The following PPFIBP2 variants were observed in gnomAD, a reference collection of about 807,000 sequenced individuals.
PPFIBP2 encodes the protein PPFIB scaffold protein 2, also known as liprin-beta-2.
Under a neutral mutation model 118.3 loss-of-function variants are expected in PPFIBP2, and 118 were observed. The observed-to-expected ratio is 1.00, with a 90% CI of 0.86 to 1.16. The LOEUF is 1.16. Among genes scored for constraint, PPFIBP2 ranks in the 50% most tolerant of loss-of-function variants. The pLI is 0.00. For missense variants in PPFIBP2, 1,195 were observed against 1,073.1 expected (o/e 1.11, Z -1.59); for synonymous variants, 414 against 397.4 (o/e 1.04, Z -0.50).
chr11:7,649,660 A>G lies in PPFIBP2; in HGVS notation c.2121+6A>G, dbSNP rs12293804. ...ACCGGCGGCCAGCTGATGAGGTGAGACCACAAATAGTATCTCTCCAGGTAG... is the reference window on the plus strand; with the variant it reads ...ACCGGCGGCCAGCTGATGAGGTGAGGCCACAAATAGTATCTCTCCAGGTAG... On this transcript the variant is annotated splice_donor_region_variant and intron_variant, in intron 21 of 23. Transcript: ENST00000299492. The G allele has an allele frequency of 1.9e-3, 3,113 of 1,614,196 alleles. 56 individuals carry two copies. In the African/African-American group the frequency reaches 0.038, roughly 20 times the overall value.
chr11:7,635,401 C>T, intron 13 of PPFIBP2, 151 bp from the exon 14 acceptor site: 2 of 739,622 alleles, frequency 2.7e-6, no homozygotes, highest in Non-Finnish European at 4.6e-6. Flanking sequence ...ATCTTTCCTG[C>T]CCTGGATGGT....
downstream of PPFIBP2, among the ~76,000 whole-genome samples, chr11:7,661,092 A>T (rs1273923880): frequency 4.0e-5 from 6 of 151,390 alleles, no homozygotes; most frequent in South Asian, 4.2e-4. Flanking sequence ...TCCTTTCAAA[A>T]AACCAGCTCC....
chr11:7,540,022 CG>C (rs1435883784), intron 1 of PPFIBP2, among the ~76,000 whole-genome samples: 3 of 151,976 alleles, frequency 2.0e-5, no homozygotes, highest in African/African-American at 7.2e-5. Flanking sequence ...AAGAGCTTGT[CG>C]GGGCACAGCT....
At position 7,565,889 on chromosome 11, in the gene PPFIBP2, C is replaced by T. The variant is rs986605624; in HGVS notation, c.279+122C>T. On this transcript the variant is annotated intron_variant, in intron 3 of 23. Transcript: ENST00000299492. The stretch of plus-strand genomic sequence containing the variant: ...TACCTTCCAGCCTTTTCTTCCATCC[C>T]ACTTTGGCCAACGCTGCAGGGTGGC... The T allele has an allele frequency of 3.5e-6, 4 of 1,129,242 alleles. No homozygotes were observed. The African/African-American group carries it at 6.3e-5, about 18-fold the overall frequency. The allele number at this position is 1,129,242 out of a possible 1,614,324, so 70.0% of individuals were successfully genotyped here.
intron 5 of PPFIBP2, 79 bp downstream of exon 5, chr11:7,597,752 G>A (rs779857197): frequency 8.6e-7 from 1 of 1,159,494 alleles, no homozygotes; most frequent in Non-Finnish European, 1.3e-6. Context: ...CCAGGCTACA[G>A]CCCTCGCTGT....
At chr11:7,620,580 G>A (rs1429615269) in intron 6 of PPFIBP2, among the ~76,000 whole-genome samples, 1 of 152,162 alleles carries the variant, frequency 6.6e-6, no homozygotes, top group Non-Finnish European at 1.5e-5. Context: ...GGAAGAAGCT[G>A]CCTCATTTCA....
intron 13 of PPFIBP2, among the ~76,000 whole-genome samples, chr11:7,635,163 C>G (rs1565098256): frequency 6.6e-6 from 1 of 152,072 alleles, no homozygotes; most frequent in South Asian, 2.1e-4. Context: ...ACCAAGGGAG[C>G]CTGCCCTGAT....
At chr11:7,551,333 GATGGT>G (rs940457487) in intron 2 of PPFIBP2, among the ~76,000 whole-genome samples, 8 of 152,314 alleles carry the variant, frequency 5.3e-5, no homozygotes, top group Admixed American at 5.2e-4. Context: ...AGACCTCTTT[GATGGT>G]TGTCAGGGAG....
At chr11:7,659,556 T>C (rs1452740360), downstream of PPFIBP2, among the ~76,000 whole-genome samples, 17 of 148,336 alleles carry the variant, frequency 1.1e-4, no homozygotes, top group East Asian at 2.3e-3. Flanking sequence ...TGTAGCCTTG[T>C]AGTATAGTTT....
intron 2 of PPFIBP2, among the ~76,000 whole-genome samples, chr11:7,555,628 A>AG (rs1241115242): frequency 6.6e-6 from 1 of 152,174 alleles, no homozygotes; most frequent in Non-Finnish European, 1.5e-5. Flanking sequence ...GAAGAGTTGG[A>AG]GTGGGGGTCT....
rs745938437 is a variant in PPFIBP2, at chr11:7,565,659, G to C, written c.171G>C (p.Leu57Phe). ...PFPVLHLIED[L>F]RLALEMLELP... ...CGGTGCTCCATCTCATCGAGGACTT[G>C]AGGCTGGCCTTGGAGATGCTGGAGC... is the stretch of plus-strand genomic sequence containing the variant. The change falls in exon 3 of 24, where the codon TTG becomes TTC. Residue 57 changes from leucine (L) to phenylalanine (F), a missense_variant. By Grantham distance (22) the Leu-to-Phe change is conservative (BLOSUM62 0). Coordinates refer to ENST00000299492, the MANE Select transcript of PPFIBP2 (RefSeq NM_003621.5). 4.3e-6 allele frequency: 7 copies of C among 1,614,186 alleles called. No individual in the cohort carries two copies. In the South Asian group the frequency reaches 4.4e-5, roughly 10 times the overall value.
At chr11:7,665,566 G>C in the PPFIBP2 span, 1 of 1,585,090 alleles carries the variant, frequency 6.3e-7, no homozygotes, top group East Asian at 2.2e-5. Context: ...AGGAGATGCA[G>C]GAGCAAGCTG....
chr11:7,633,587 A>G (rs2135789407), intron 12 of PPFIBP2, among the ~76,000 whole-genome samples: 1 of 152,324 alleles, frequency 6.6e-6, no homozygotes, highest in South Asian at 2.1e-4. Flanking sequence ...GTTGGGGCAG[A>G]TGACCACAAG....
chr11:7,581,738 C>T (rs1299752403), intron 3 of PPFIBP2, among the ~76,000 whole-genome samples: 1 of 152,140 alleles, frequency 6.6e-6, no homozygotes, highest in African/African-American at 2.4e-5. Context: ...GGGCTCATAT[C>T]TCACCTCTGT....
intron 3 of PPFIBP2, among the ~76,000 whole-genome samples, chr11:7,575,526 G>A (rs1590317556): frequency 6.6e-6 from 1 of 152,168 alleles, no homozygotes; most frequent in African/African-American, 2.4e-5. Flanking sequence ...CCACCATCCT[G>A]TAGAGGCTGG....
downstream of PPFIBP2, chr11:7,656,663 G>A (rs1854720102): frequency 3.3e-6 from 4 of 1,223,566 alleles, no homozygotes; most frequent in Non-Finnish European, 2.2e-6. Context: ...TTCCGGTGCA[G>A]CTGCCGCAGG....
At chr11:7,597,111 A>C in intron 4 of PPFIBP2, 1 of 1,336,118 alleles carries the variant, frequency 7.5e-7, no homozygotes, top group Non-Finnish European at 9.8e-7. Flanking sequence ...ATAGGTGAGC[A>C]GTCCTCACAC....
chr11:7,665,963 G>C, the PPFIBP2 span: 1 of 1,518,602 alleles, frequency 6.6e-7, no homozygotes, highest in Non-Finnish European at 8.8e-7. Context: ...AGGTACAGCC[G>C]GGAGCAGTGT....
chr11:7,609,103 C>G (rs897472557), intron 5 of PPFIBP2, among the ~76,000 whole-genome samples: 1 of 152,192 alleles, frequency 6.6e-6, no homozygotes, highest in African/African-American at 2.4e-5. Flanking sequence ...TAGGCTGTTG[C>G]CCAGCCTGTT....
Sources: allele counts gnomAD v4.1 joint callset (sites outside exome capture counted in the v4.1 genomes callset), GRCh38; gene constraint gnomAD v4.1.1; transcripts MANE v1.5; gene names NCBI Gene and HGNC (gene_info 2026-07-23, HGNC 2026-07-21).